SSH2: variants seen among roughly 807,000 people sequenced by gnomAD.
The protein encoded by SSH2 is protein phosphatase Slingshot homolog 2.
A neutral mutation model predicts 135.2 loss-of-function variants in SSH2; 37 were observed. The ratio of observed to expected loss-of-function variants is 0.27; its 90% CI spans 0.21 to 0.36. The LOEUF is 0.36. SSH2 is among the 10% of genes least tolerant of loss of function. The pLI is 1.00. For synonymous variants in SSH2, 628 were observed against 646.2 expected (o/e 0.97, Z 0.43); for missense variants, 1,408 against 1,765.3 (o/e 0.80, Z 3.63).
intron 3 of SSH2, among the ~76,000 whole-genome samples, chr17:29,743,112 A>T (rs1222734078): frequency 1.3e-5 from 2 of 151,942 alleles, no homozygotes; most frequent in African/African-American, 2.4e-5. Context: ...TTGTATTTTT[A>T]GTAGAGGTGA....
At chr17:29,829,332 A>G (rs1378226650) in intron 2 of SSH2, among the ~76,000 whole-genome samples, 1 of 152,226 alleles carries the variant, frequency 6.6e-6, no homozygotes, top group Admixed American at 6.5e-5. Context: ...AGGGTCATAT[A>G]CATTCCTTAC....
intron 15 of SSH2, among the ~76,000 whole-genome samples, chr17:29,633,177 T>C (rs2035761808): frequency 6.6e-6 from 1 of 152,198 alleles, no homozygotes; most frequent in South Asian, 2.1e-4. Context: ...TTCTGTTCTG[T>C]TTACTCAAGC....
chr17:29,675,972 C>T (rs2037698267), intron 8 of SSH2: 1 of 152,048 alleles, frequency 6.6e-6, no homozygotes, highest in South Asian at 2.1e-4. Flanking sequence ...AAATATAATC[C>T]ATGCAAAGCA....
At chr17:29,826,707 C>CT (rs945016118) in intron 2 of SSH2, among the ~76,000 whole-genome samples, 1 of 152,026 alleles carries the variant, frequency 6.6e-6, no homozygotes, top group African/African-American at 2.4e-5. Flanking sequence ...AAAATTAACC[C>CT]TTTTTACCTC....
At chr17:29,898,644 T>C (rs1221852825) in intron 1 of SSH2, among the ~76,000 whole-genome samples, 1 of 152,148 alleles carries the variant, frequency 6.6e-6, no homozygotes, top group Non-Finnish European at 1.5e-5. Context: ...ATTAATAGCT[T>C]ACCAACCAAA....
rs145597317 is a variant in SSH2, at chr17:29,735,938, A to C, written c.189-32876T>G. On this transcript the variant is annotated intron_variant, in intron 3 of 15. Transcript: ENST00000540801. Reference sequence around the variant, plus strand: ...GTGGAGAAACCCCATCTCTACCAAAAATACAAAAATTAGCTGGGTGTGGTG... The same window carrying C: ...GTGGAGAAACCCCATCTCTACCAAACATACAAAAATTAGCTGGGTGTGGTG... 2.7e-4 allele frequency among the ~76,000 whole-genome samples: 41 copies of C among 151,972 alleles called. No homozygotes were observed. The East Asian group carries it at 7.8e-3, about 29-fold the overall frequency.
At chr17:29,761,398 C>T (rs1042563857) in intron 3 of SSH2, 11 of 1,064,406 alleles carry the variant, frequency 1.0e-5, no homozygotes, top group African/African-American at 3.5e-5. Context: ...GAGGCAGCCG[C>T]CGAAGCCCCA....
intron 1 of SSH2, among the ~76,000 whole-genome samples, chr17:29,902,860 G>T (rs560326261): frequency 6.6e-6 from 1 of 151,986 alleles, no homozygotes; most frequent in South Asian, 2.1e-4. Flanking sequence ...ACTATCTCAA[G>T]GTAAAAACAT....
intron 3 of SSH2, among the ~76,000 whole-genome samples, chr17:29,743,907 CTTTTTTTT>C (rs59540894): frequency 9.0e-5 from 9 of 99,864 alleles, no homozygotes; most frequent in South Asian, 3.4e-4. Flanking sequence ...TTCTTTTTTC[CTTTTTTTT>C]TTTTTTTTTT....
At chr17:29,912,700 C>T (rs2066786937) in intron 1 of SSH2, among the ~76,000 whole-genome samples, 1 of 152,158 alleles carries the variant, frequency 6.6e-6, no homozygotes, top group Admixed American at 6.5e-5. Context: ...CACTACACCC[C>T]AGCCTGGGAG....
intron 2 of SSH2, among the ~76,000 whole-genome samples, chr17:29,846,498 C>T (rs959740027): frequency 2.0e-5 from 3 of 152,198 alleles, no homozygotes; most frequent in Non-Finnish European, 4.4e-5. Context: ...AACCTTTCAC[C>T]CTCAGTTTGT....
chr17:29,695,411 TTAGA>T (rs533647536), intron 5 of SSH2, 44 bp downstream of exon 5: 10 of 1,519,926 alleles, frequency 6.6e-6, no homozygotes, highest in Non-Finnish European at 9.1e-6. Flanking sequence ...TTTGGCTATC[TTAGA>T]TAGTCTTTTG....
chr17:29,796,039 G>A (rs912392889), intron 2 of SSH2, among the ~76,000 whole-genome samples: 5 of 151,968 alleles, frequency 3.3e-5, no homozygotes, highest in East Asian at 1.9e-4. Flanking sequence ...CACCGTGCCC[G>A]GCCACATTAT....
At chr17:29,814,432 CA>C (rs1179862061) in intron 2 of SSH2, among the ~76,000 whole-genome samples, 92 of 39,100 alleles carry the variant, frequency 2.4e-3, no homozygotes, top group South Asian at 0.012. Flanking sequence ...GACTCTGTCT[CA>C]AAAAAAAAAA....
intron 2 of SSH2, among the ~76,000 whole-genome samples, chr17:29,799,574 C>T (rs2042215040): frequency 2.0e-5 from 3 of 152,142 alleles, no homozygotes; most frequent in South Asian, 4.1e-4. Context: ...AGTTTCATAG[C>T]CTTGCCCTTA....
At chr17:29,911,481 A>G (rs568281793) in intron 1 of SSH2, among the ~76,000 whole-genome samples, 1 of 152,326 alleles carries the variant, frequency 6.6e-6, no homozygotes, top group East Asian at 1.9e-4. Flanking sequence ...GGTAGTATAC[A>G]ACTATAAGCC....
At chr17:29,638,051 T>A (rs1191858313) in intron 14 of SSH2, among the ~76,000 whole-genome samples, 1 of 151,256 alleles carries the variant, frequency 6.6e-6, no homozygotes, top group African/African-American at 2.4e-5. Context: ...GAGGCAGAGG[T>A]TGCAGTGGGC....
At position 29,636,555 on chromosome 17, in the gene SSH2, A is replaced by G; in HGVS notation, c.1675T>C (p.Phe559Leu). The G allele has an allele frequency of 6.2e-7, 1 of 1,614,126 alleles. No homozygotes were observed. The highest frequency in any genetic ancestry group is 8.5e-7 in the Non-Finnish European group (1 of 1,180,014). Residue 559 changes from phenylalanine (F) to leucine (L), a missense_variant, in exon 15 of 16, where the codon TTT (phenylalanine) becomes CTT (leucine). This residue lies in a region of SSH2 where 1,080 missense variants were observed against 1,144.5 expected (regional missense o/e 0.94). Transcript: ENST00000540801. ...CTKERMICLE[F>L]TSREFHAGQI... ...CCAGCATGAAATTCCCTAGAAGTAA[A>G]CTCCAAGCAGATCATTCTTTCTTTG...
intron 2 of SSH2, among the ~76,000 whole-genome samples, chr17:29,846,122 T>A (rs906531296): frequency 7.9e-5 from 12 of 151,110 alleles, no homozygotes; most frequent in Non-Finnish European, 1.2e-4. Context: ...CACTGCAACC[T>A]CCACCTTCTG....
Sources: gnomAD v4.1 joint callset for allele counts (sites outside exome capture counted in the v4.1 genomes callset) on GRCh38, gnomAD v4.1.1 for gene constraint, gnomAD v4.1.1 regional missense constraint, MANE v1.5 for transcripts, NCBI Gene and HGNC (gene_info 2026-07-23, HGNC 2026-07-21) for gene names.